RPS6KA5: variants seen among roughly 807,000 people sequenced by gnomAD.
RPS6KA5 encodes the protein ribosomal protein S6 kinase alpha-5.
RPS6KA5 carries 27 observed loss-of-function variants against 85.5 expected under a neutral mutation model. That is an observed-to-expected ratio of 0.32 (90% CI 0.23 to 0.44). RPS6KA5 has a LOEUF of 0.44. Among genes scored for constraint, RPS6KA5 ranks in the 20% least tolerant of loss-of-function variants. The pLI is 1.00. For missense variants in RPS6KA5, 811 were observed against 980.9 expected (o/e 0.83, Z 2.31); for synonymous variants, 334 against 348.2 (o/e 0.96, Z 0.46).
intron 2 of RPS6KA5, among the ~76,000 whole-genome samples, chr14:90,989,439 T>C (rs1404192810): frequency 6.6e-6 from 1 of 152,218 alleles, no homozygotes; most frequent in Non-Finnish European, 1.5e-5. Context: ...TTTTTCCTTT[T>C]TGTCATGGTA....
In RPS6KA5 at chr14:90,956,223, T is replaced by C. The variant is rs543288774; in HGVS notation, c.395-8673A>G. ...CCAATTCCCTGCAGATAATGAGGGA[T>C]AATGATATATATTTATAACCAATCT... On this transcript the variant is annotated intron_variant, in intron 3 of 16. Transcript: ENST00000614987. Among the ~76,000 whole-genome samples the C allele has an allele frequency of 5.9e-5, 9 of 152,320 alleles. 1 individual carries two copies. In the South Asian group the frequency reaches 1.0e-3, roughly 18 times the overall value.
chr14:91,047,047 CAAA>C (rs34036525), intron 1 of RPS6KA5, among the ~76,000 whole-genome samples: 10 of 100,398 alleles, frequency 1.0e-4, no homozygotes, highest in Non-Finnish European at 1.4e-4. Context: ...ACCCTGTCTC[CAAA>C]AAAAAAAAAA....
intron 1 of RPS6KA5, among the ~76,000 whole-genome samples, chr14:91,044,343 GAAAGAAAGAAAGAAAGAA>G: frequency 2.8e-5 from 1 of 35,518 alleles, no homozygotes; most frequent in Non-Finnish European, 6.0e-5. Flanking sequence ...GATAGACAAA[GAAAGAAAGAAAGAAAGAA>G]AGAGAAAGAA....
intron 1 of RPS6KA5, among the ~76,000 whole-genome samples, chr14:91,030,334 AT>A (rs1275890536): frequency 2.0e-5 from 3 of 152,134 alleles, no homozygotes. Flanking sequence ...AGAATAATAT[AT>A]AAGTCTACAC....
chr14:90,903,978 G>T (rs974414301), intron 8 of RPS6KA5, among the ~76,000 whole-genome samples: 1 of 146,110 alleles, frequency 6.8e-6, no homozygotes, highest in Non-Finnish European at 1.5e-5. Flanking sequence ...ACGGAGTCTC[G>T]CTCTGTCGCC....
intron 2 of RPS6KA5, among the ~76,000 whole-genome samples, chr14:90,994,906 G>A (rs1165274273): frequency 1.3e-5 from 2 of 151,936 alleles, no homozygotes; most frequent in African/African-American, 4.8e-5. Flanking sequence ...AATCATGTCT[G>A]TAAAACTTTC....
intron 14 of RPS6KA5, among the ~76,000 whole-genome samples, chr14:90,877,502 C>G (rs1345005554): frequency 6.6e-6 from 1 of 152,158 alleles, no homozygotes; most frequent in East Asian, 1.9e-4. Flanking sequence ...CATGCAGACA[C>G]CAGAGTAACA....
chr14:90,949,559 TC>T (rs2038061054), intron 3 of RPS6KA5, among the ~76,000 whole-genome samples: 8 of 152,190 alleles, frequency 5.3e-5, no homozygotes, highest in Admixed American at 5.2e-4. Context: ...ATAAACAGGG[TC>T]TCTGAACAAA....
At chr14:90,908,121 GT>G (rs2035611067) in intron 7 of RPS6KA5, among the ~76,000 whole-genome samples, 1 of 152,204 alleles carries the variant, frequency 6.6e-6, no homozygotes, top group Non-Finnish European at 1.5e-5. Context: ...GGAAAGAACA[GT>G]CAGTCCTGCG....
chr14:91,049,184 A>C (rs1242643549), intron 1 of RPS6KA5, among the ~76,000 whole-genome samples: 1 of 152,196 alleles, frequency 6.6e-6, no homozygotes, highest in African/African-American at 2.4e-5. Context: ...TTTTCTTTTA[A>C]GGTCTAGGCA....
chr14:90,900,143 AC>A lies in RPS6KA5; in HGVS notation c.1343del (p.Ser448IlefsTer9). 6.2e-7 allele frequency: 1 copy of A among 1,604,878 alleles called. No individual in the cohort carries two copies. The highest frequency in any genetic ancestry group is 8.5e-7 in the Non-Finnish European group (1 of 1,175,082). On this transcript the variant is annotated frameshift_variant, in exon 11 of 17. Transcript: ENST00000614987. LOFTEE classifies it high-confidence loss of function. ...TTATTTTGACTGCAAAAGCTTGGTT[AC>A]TTTTTTTATGCACACACTTTCGACA... ...SICRKCVHKK[S>X]NQAFAVKIIS...
intron 1 of RPS6KA5, among the ~76,000 whole-genome samples, chr14:91,015,814 T>C (rs983142606): frequency 2.0e-5 from 3 of 152,206 alleles, no homozygotes; most frequent in African/African-American, 7.2e-5. Flanking sequence ...TCAAGAATAA[T>C]CCTACTTTTT....
intron 14 of RPS6KA5, among the ~76,000 whole-genome samples, chr14:90,876,322 G>C (rs747851162): frequency 1.3e-5 from 2 of 152,140 alleles, no homozygotes; most frequent in Non-Finnish European, 2.9e-5. Context: ...CTATGGTTAA[G>C]GACTTGAAAA....
At chr14:90,957,534 T>C (rs1331672058) in intron 3 of RPS6KA5, among the ~76,000 whole-genome samples, 1 of 152,200 alleles carries the variant, frequency 6.6e-6, no homozygotes, top group Non-Finnish European at 1.5e-5. Flanking sequence ...CCTGATCTGT[T>C]AGGCTGTCTG....
chr14:91,020,295 A>G (rs1424203644), intron 1 of RPS6KA5, among the ~76,000 whole-genome samples: 2 of 152,044 alleles, frequency 1.3e-5, no homozygotes, highest in Non-Finnish European at 2.9e-5. Context: ...AAATATTCAA[A>G]AAAAGTGATG....
intron 5 of RPS6KA5, among the ~76,000 whole-genome samples, chr14:90,928,739 GAAA>G (rs199815422): frequency 1.1e-5 from 1 of 94,744 alleles, no homozygotes; most frequent in Non-Finnish European, 2.3e-5. Flanking sequence ...CACTTAAAAT[GAAA>G]AAAAAAAAAA....
rs1249693873 is a variant in RPS6KA5 at position 90,872,079 on chromosome 14, C to A, written c.2404G>T (p.Ala802Ser). 1 of 1,611,998 alleles carries A rather than the reference C, an allele frequency of 6.2e-7. No individual in the cohort carries two copies. The highest frequency in any genetic ancestry group is 1.1e-5 in the South Asian group (1 of 90,890). ...CTGATACACTCCTACCATGCCTAAGCTACTGAGTCCGAGAACTGGAAGAGG... is the reference window on the plus strand; with the variant it reads ...CTGATACACTCCTACCATGCCTAAGATACTGAGTCCGAGAACTGGAAGAGG... Reference protein sequence around the residue: ...ETLFQFSDSVA With the variant: ...ETLFQFSDSVS Residue 802 changes from alanine (A) to serine (S), a missense_variant, in exon 17 of 17, where the codon GCT (alanine) becomes TCT (serine). Around this residue, in one of 3 missense-constraint regions of RPS6KA5, gnomAD observed 650 missense variants for 793.4 expected, o/e 0.82. Coordinates refer to ENST00000614987, the MANE Select transcript of RPS6KA5 (RefSeq NM_004755.4).
At chr14:90,922,605 G>A (rs183031416) in intron 6 of RPS6KA5, among the ~76,000 whole-genome samples, 5 of 152,170 alleles carry the variant, frequency 3.3e-5, no homozygotes, top group Admixed American at 1.3e-4. Context: ...TCGCCACCAC[G>A]CCCAGCTAAT....
intron 1 of RPS6KA5, among the ~76,000 whole-genome samples, chr14:91,013,951 A>G (rs2041370340): frequency 6.6e-6 from 1 of 152,276 alleles, no homozygotes; most frequent in African/African-American, 2.4e-5. Flanking sequence ...ATTGGAAAGT[A>G]CTAAAATTAA....
Sources: gnomAD v4.1 joint callset for allele counts (sites outside exome capture counted in the v4.1 genomes callset) on GRCh38, gnomAD v4.1.1 for gene constraint, gnomAD v4.1.1 regional missense constraint, MANE v1.5 for transcripts, NCBI Gene and HGNC (gene_info 2026-07-23, HGNC 2026-07-21) for gene names.